Variants in ZFYVE28 observed in about 807,000 individuals in gnomAD.
ZFYVE28 encodes zinc finger FYVE-type containing 28.
A neutral mutation model predicts 82.1 loss-of-function variants in ZFYVE28; 40 were observed. That is an observed-to-expected ratio of 0.49 (90% CI 0.38 to 0.63). ZFYVE28 has a LOEUF of 0.63. Among genes scored for constraint, ZFYVE28 ranks in the 30% least tolerant of loss-of-function variants. ZFYVE28 has a pLI of 0.00. For missense variants in ZFYVE28, 1,321 were observed against 1,242.1 expected, an observed-to-expected ratio of 1.06 and a Z score of -0.96; for synonymous variants, 612 against 546.1, an observed-to-expected ratio of 1.12 and a Z score of -1.68.
chr4:2,364,856 G>T, intron 1 of ZFYVE28: 1 of 985,510 alleles, frequency 1.0e-6, no homozygotes, highest in Non-Finnish European at 1.2e-6. Context: ...CCCCCACGTC[G>T]CCGCGGCAAA....
intron 8 of ZFYVE28, 35 bp downstream of exon 8, chr4:2,304,254 G>A (rs775624601): frequency 1.3e-6 from 2 of 1,526,432 alleles, no homozygotes; most frequent in African/African-American, 1.4e-5. Flanking sequence ...GTGCAGAGAG[G>A]ACAAACCCAG....
chr4:2,282,885 C>G (rs192417327), intron 8 of ZFYVE28, among the ~76,000 whole-genome samples: 1 of 150,152 alleles, frequency 6.7e-6, no homozygotes, highest in Non-Finnish European at 1.5e-5. Context: ...CAAGGCTAGC[C>G]TGCGTAACAT....
intron 1 of ZFYVE28, among the ~76,000 whole-genome samples, chr4:2,383,320 C>T (rs952604895): frequency 2.0e-5 from 3 of 152,012 alleles, no homozygotes; most frequent in Admixed American, 2.0e-4. Flanking sequence ...CTAAGTCTCA[C>T]GAGATCTGAT....
Position 2,418,202 on chromosome 4 carries a change from C to A in ZFYVE28, c.39+83G>T. ...CCGGCCACGGACAGGGAAAGGGAGT[C>A]CGTCTTGTAGGGCGGACGGGCGGTC... is the stretch of plus-strand genomic sequence containing the variant. On this transcript the variant is annotated intron_variant, in intron 1 of 12. Coordinates refer to ENST00000290974, the MANE Select transcript of ZFYVE28 (RefSeq NM_020972.3). The surrounding 1 kb of genome is among the most constrained non-coding windows in gnomAD (Gnocchi z 4.6). 2.2e-6 allele frequency: 3 copies of A among 1,358,646 alleles called. No homozygotes were observed. The highest frequency in any genetic ancestry group is 1.5e-5 in the African/African-American group (1 of 66,284). 84.2% of individuals were successfully genotyped at this position (1,358,646 alleles called of 1,614,324 possible). A position where few individuals can be genotyped will look rare whatever the true frequency, so the allele number is the denominator to read the frequency against.
At chr4:2,381,163 C>A (rs1415438991) in intron 1 of ZFYVE28, among the ~76,000 whole-genome samples, 1 of 106,422 alleles carries the variant, frequency 9.4e-6, no homozygotes, top group Non-Finnish European at 2.1e-5. Context: ...AGATGAGGAA[C>A]TTGTTGGGAA....
intron 9 of ZFYVE28, 149 bp downstream of exon 9, chr4:2,273,913 T>C: frequency 1.1e-6 from 1 of 880,314 alleles, no homozygotes; most frequent in Non-Finnish European, 1.7e-6. Flanking sequence ...GCCTTCTCCA[T>C]GAACAGGAGT....
intron 12 of ZFYVE28, 151 bp from the exon 13 acceptor site, chr4:2,271,007 G>A: frequency 8.4e-7 from 1 of 1,192,242 alleles, no homozygotes; most frequent in Non-Finnish European, 1.2e-6. Flanking sequence ...TGACCTTCAG[G>A]AGGCTGGACT....
intron 6 of ZFYVE28, among the ~76,000 whole-genome samples, chr4:2,331,582 G>C (rs980433030): frequency 6.6e-6 from 1 of 152,176 alleles, no homozygotes; most frequent in Non-Finnish European, 1.5e-5. Context: ...AAGAGTCTGA[G>C]CCTCGTGGAG....
intron 1 of ZFYVE28, among the ~76,000 whole-genome samples, chr4:2,373,704 A>G (rs144578926): frequency 1.6e-3 from 242 of 152,282 alleles, no homozygotes; most frequent in African/African-American, 5.7e-3. Flanking sequence ...ATGCCCTGGC[A>G]GAATCTCCGT....
intron 1 of ZFYVE28, among the ~76,000 whole-genome samples, chr4:2,378,797 C>G (rs375416618): frequency 6.6e-6 from 1 of 152,166 alleles, no homozygotes; most frequent in African/African-American, 2.4e-5. Context: ...GTTTCAGACC[C>G]GATACCCAGC....
chr4:2,393,617 GT>G (rs2108926967), intron 1 of ZFYVE28, among the ~76,000 whole-genome samples: 1 of 152,282 alleles, frequency 6.6e-6, no homozygotes, highest in African/African-American at 2.4e-5. Flanking sequence ...ATTTTTGGTT[GT>G]TTTTGACTCT....
intron 8 of ZFYVE28, among the ~76,000 whole-genome samples, chr4:2,275,032 A>G (rs1736280419): frequency 6.6e-6 from 1 of 150,720 alleles, no homozygotes. Context: ...GCCCCCACCT[A>G]CACTTCCCTG....
At chr4:2,312,206 G>C (rs566188021) in intron 7 of ZFYVE28, among the ~76,000 whole-genome samples, 1 of 152,230 alleles carries the variant, frequency 6.6e-6, no homozygotes, top group East Asian at 1.9e-4. Flanking sequence ...CATTGGGCCT[G>C]GCCACATGGA....
intron 1 of ZFYVE28, among the ~76,000 whole-genome samples, chr4:2,368,209 T>TAAAAAAAAAAAA (rs1727091837): frequency 2.6e-4 from 2 of 7,780 alleles, no homozygotes; most frequent in Non-Finnish European, 2.6e-4. Context: ...AACACATCTC[T>TAAAAAAAAAAAA]ACAAAAAAAA....
chr4:2,370,318 C>A (rs1009740165), intron 1 of ZFYVE28, among the ~76,000 whole-genome samples: 1 of 152,108 alleles, frequency 6.6e-6, no homozygotes, highest in Non-Finnish European at 1.5e-5. Flanking sequence ...CATGTCAGTG[C>A]GTTTATCCTA....
chr4:2,344,823 G>A (rs901721318), intron 2 of ZFYVE28, among the ~76,000 whole-genome samples: 1 of 152,170 alleles, frequency 6.6e-6, no homozygotes, highest in Non-Finnish European at 1.5e-5. Flanking sequence ...TTGAACCTGG[G>A]AGGTGGAGAT....
intron 1 of ZFYVE28, among the ~76,000 whole-genome samples, chr4:2,368,194 A>C: frequency 1.8e-5 from 1 of 55,682 alleles, no homozygotes; most frequent in African/African-American, 6.1e-5. Flanking sequence ...CCTGGGCAAC[A>C]AAGCAACACA....
intron 8 of ZFYVE28, among the ~76,000 whole-genome samples, chr4:2,290,009 C>T (rs1186576010): frequency 6.6e-6 from 1 of 152,168 alleles, no homozygotes; most frequent in Admixed American, 6.5e-5. Flanking sequence ...TGGACAGGCC[C>T]AGGGAGCCGC....
chr4:2,270,802 C>T lies in ZFYVE28; in HGVS notation c.2587G>A (p.Val863Met), dbSNP rs1036701484. The T allele has an allele frequency of 1.2e-6, 2 of 1,613,090 alleles. No individual in the cohort carries two copies. Among genetic ancestry groups the T allele is most frequent in the Non-Finnish European group, 1.7e-6 (2 of 1,179,944 alleles). ...TGGGTGCACACTCGGACCGGCTTCA[C>T]CTGCCCGTAGCGGGGCAGCGGTGCT... ...HSAPLPRYGQ[V>M]KPVRVCTHCY... The change falls in exon 13 of 13, where the codon GTG becomes ATG. Residue 863 changes from valine (V) to methionine (M), a missense_variant. Physicochemically the swap from Val to Met is conservative, Grantham distance 21. This residue lies in a region of ZFYVE28 where 978 missense variants were observed against 833.7 expected (regional missense o/e 1.17). Transcript: ENST00000290974.
Sources: allele counts gnomAD v4.1 joint callset (sites outside exome capture counted in the v4.1 genomes callset), GRCh38; gene constraint gnomAD v4.1.1; regional missense constraint gnomAD v4.1.1; non-coding constraint Gnocchi (gnomAD v3.1); transcripts MANE v1.5; gene names NCBI Gene and HGNC (gene_info 2026-07-23, HGNC 2026-07-21).